The following ASIC2 variants were observed in gnomAD, a reference collection of about 807,000 sequenced individuals.
ASIC2 encodes the protein acid sensing ion channel subunit 2.
In ASIC2, 25 loss-of-function variants were observed where a neutral mutation model predicts 57.3. That is an observed-to-expected ratio of 0.44 (90% CI 0.32 to 0.61). The LOEUF is 0.61. Among genes scored for constraint, ASIC2 ranks in the 20% least tolerant of loss-of-function variants. The pLI, the probability that ASIC2 is intolerant of heterozygous loss-of-function variation, is 0.06. For missense variants in ASIC2, 641 were observed against 738.1 expected, an observed-to-expected ratio of 0.87 and a Z score of 1.52; for synonymous variants, 319 against 307.5, an observed-to-expected ratio of 1.04 and a Z score of -0.39.
intron 1 of ASIC2, among the ~76,000 whole-genome samples, chr17:33,304,848 C>T (rs11870442): frequency 0.24 from 36,381 of 151,846 alleles, 5,004 homozygotes; most frequent in East Asian, 0.37. Flanking sequence ...TCTTAGTCTC[C>T]GCCTGGAGAC....
intron 1 of ASIC2, among the ~76,000 whole-genome samples, chr17:33,802,740 T>C (rs1985858): frequency 0.74 from 112,013 of 152,212 alleles, 41,880 homozygotes; most frequent in African/African-American, 0.78. Context: ...GAAAACTTTG[T>C]TTTTGTCTGC....
chr17:33,366,124 G>C (rs1229803149), intron 1 of ASIC2, among the ~76,000 whole-genome samples: 3 of 152,226 alleles, frequency 2.0e-5, no homozygotes, highest in Non-Finnish European at 4.4e-5. Context: ...GCTATGAGTG[G>C]GGACAAAAGG....
intron 1 of ASIC2, among the ~76,000 whole-genome samples, chr17:33,450,047 C>T (rs772493032): frequency 1.3e-5 from 2 of 152,168 alleles, no homozygotes; most frequent in African/African-American, 2.4e-5. Flanking sequence ...GGATTACAGG[C>T]GTGATCCCAC....
At chr17:33,874,220 C>T (rs80157200) in intron 1 of ASIC2, among the ~76,000 whole-genome samples, 5,331 of 152,228 alleles carry the variant, frequency 0.035, 326 homozygotes, top group East Asian at 0.3. Flanking sequence ...CCAAGAACTC[C>T]TTAGAATGTC....
intron 1 of ASIC2, among the ~76,000 whole-genome samples, chr17:33,339,774 T>C (rs1223694651): frequency 2.0e-5 from 3 of 152,148 alleles, no homozygotes; most frequent in Non-Finnish European, 4.4e-5. Context: ...CCCAGGAAAG[T>C]AGGAGCTGTA....
intron 1 of ASIC2, among the ~76,000 whole-genome samples, chr17:33,966,700 G>GT (rs1905085884): frequency 1.3e-5 from 2 of 152,122 alleles, no homozygotes; most frequent in South Asian, 4.1e-4. Flanking sequence ...GATCATAGAG[G>GT]GTCAAGATCT....
chr17:33,517,425 G>A (rs942544737), intron 1 of ASIC2, among the ~76,000 whole-genome samples: 6 of 152,152 alleles, frequency 3.9e-5, no homozygotes, highest in Admixed American at 1.3e-4. Flanking sequence ...CTTTTGCTGC[G>A]TATTAAATTA....
chr17:33,157,119 A>G (rs1905027210), intron 1 of ASIC2, among the ~76,000 whole-genome samples: 1 of 152,078 alleles, frequency 6.6e-6, no homozygotes, highest in Admixed American at 6.6e-5. Flanking sequence ...GTCAAGGCAA[A>G]AAAACCCCCA....
chr17:33,165,471 GTGCATGCGTGTGTGTGTGTGTA>G (rs1214209342), intron 1 of ASIC2, among the ~76,000 whole-genome samples: 2 of 152,014 alleles, frequency 1.3e-5, no homozygotes, highest in African/African-American at 4.8e-5. Context: ...GTGTGTGTGC[GTGCATGCGTGTGTGTGTGTGTA>G]TGCATATATT....
chr17:33,253,400 G>A (rs1424817774), intron 1 of ASIC2, among the ~76,000 whole-genome samples: 2 of 152,096 alleles, frequency 1.3e-5, no homozygotes, highest in African/African-American at 4.8e-5. Context: ...CATTTGTCTC[G>A]CTGGGAGTTA....
intron 1 of ASIC2, among the ~76,000 whole-genome samples, chr17:34,081,726 C>A (rs1474621285): frequency 1.3e-5 from 2 of 152,210 alleles, no homozygotes; most frequent in East Asian, 3.9e-4. Flanking sequence ...CTTCTCAAAA[C>A]TTCTTCTGTC....
intron 1 of ASIC2, among the ~76,000 whole-genome samples, chr17:33,365,523 T>C (rs971798530): frequency 6.6e-6 from 1 of 152,186 alleles, no homozygotes; most frequent in Non-Finnish European, 1.5e-5. Flanking sequence ...CTAAAATTAA[T>C]TCCAAGTTTA....
intron 1 of ASIC2, among the ~76,000 whole-genome samples, chr17:33,980,512 G>A (rs1412590067): frequency 6.6e-6 from 1 of 152,244 alleles, no homozygotes; most frequent in Non-Finnish European, 1.5e-5. Flanking sequence ...GGGAAAGGAT[G>A]AGAATCTTGG....
rs540360496 is a variant in ASIC2 at position 33,105,391 on chromosome 17, A to G, written c.859+6526T>C. Among the ~76,000 whole-genome samples the G allele has an allele frequency of 3.3e-5, 5 of 152,236 alleles. No homozygotes were observed. In the South Asian group the frequency reaches 1.0e-3, roughly 32 times the overall value. ...TAAGATGTGCCTTTGCTCCTCCTTC[A>G]CCTTCTGCCATGATTGTGAGGCCTC... is the stretch of plus-strand genomic sequence containing the variant. On this transcript the variant is annotated intron_variant, in intron 2 of 9. Coordinates refer to ENST00000225823, the MANE Select transcript of ASIC2 (RefSeq NM_183377.2).
At chr17:33,289,695 A>G (rs1318915590) in intron 1 of ASIC2, among the ~76,000 whole-genome samples, 1 of 152,060 alleles carries the variant, frequency 6.6e-6, no homozygotes, top group Non-Finnish European at 1.5e-5. Flanking sequence ...TGGGAATAAA[A>G]CTCATTAACG....
In ASIC2 at chr17:33,684,525, C is replaced by T. The variant is rs552463353; in HGVS notation, c.555+471453G>A. Reference sequence around the variant, plus strand: ...TCAGAGTGGCTCATTTTAGAGCTGACTTCCCAAGTGCAGAAGAAACAACTT... The same window carrying T: ...TCAGAGTGGCTCATTTTAGAGCTGATTTCCCAAGTGCAGAAGAAACAACTT... On this transcript the variant is annotated intron_variant, in intron 1 of 9. Transcript: ENST00000359872. Among the ~76,000 whole-genome samples the T allele has an allele frequency of 2.1e-4, 32 of 152,318 alleles. No individual in the cohort carries two copies. In the South Asian group the frequency reaches 6.2e-3, roughly 30 times the overall value.
chr17:34,074,278 G>A lies in ASIC2; in HGVS notation c.555+81700C>T, dbSNP rs527960681. On this transcript the variant is annotated intron_variant, in intron 1 of 9. Coordinates refer to the ASIC2 transcript ENST00000359872. ...TGCCATTAGAGCTCTATCCCAAGGG[G>A]CTAGGCACTGAACTAATGAACATTG... 2.0e-5 allele frequency among the ~76,000 whole-genome samples: 3 copies of A among 152,132 alleles called. No individual in the cohort carries two copies. The South Asian group carries it at 6.2e-4, about 32-fold the overall frequency.
chr17:33,310,477 G>A (rs1325474679), intron 1 of ASIC2, among the ~76,000 whole-genome samples: 1 of 152,162 alleles, frequency 6.6e-6, no homozygotes, highest in Non-Finnish European at 1.5e-5. Flanking sequence ...TGCCAAGATT[G>A]CCTCCTTAAT....
chr17:33,280,507 C>T (rs1904898335), intron 1 of ASIC2, among the ~76,000 whole-genome samples: 1 of 152,204 alleles, frequency 6.6e-6, no homozygotes. Flanking sequence ...GAACTCTGGG[C>T]TAGAACCTCC....
Sources: allele counts gnomAD v4.1 joint callset (sites outside exome capture counted in the v4.1 genomes callset), GRCh38; gene constraint gnomAD v4.1.1; transcripts MANE v1.5; gene names NCBI Gene and HGNC (gene_info 2026-07-23, HGNC 2026-07-21).